The following TTC34 variants were observed in gnomAD, a reference collection of about 807,000 sequenced individuals.
The protein encoded by TTC34 is tetratricopeptide repeat protein 34.
Under a neutral mutation model 40.7 loss-of-function variants are expected in TTC34, and 44 were observed. The observed-to-expected ratio is 1.08, with a 90% CI of 0.85 to 1.39. TTC34 has a LOEUF of 1.39. TTC34 is among the 40% of genes most tolerant of loss of function. TTC34 has a pLI of 0.00. For missense variants in TTC34, 884 were observed against 838.0 expected (o/e 1.05, Z -0.68); for synonymous variants, 422 against 398.6 (o/e 1.06, Z -0.70).
rs771337806 is a variant in TTC34 at position 2,645,401 on chromosome 1, C to T, written c.2389G>A (p.Glu797Lys). The change falls in exon 7 of 9, where the codon GAG becomes AAG. Residue 797 changes from glutamate (E) to lysine (K), a missense_variant. Physicochemically the swap from Glu to Lys is moderately conservative, Grantham distance 56 (BLOSUM62 1). Coordinates refer to ENST00000401095, the Ensembl canonical transcript of TTC34. The surrounding 1 kb of genome is among the most constrained non-coding windows in gnomAD (Gnocchi z 4.7). Reference sequence around the variant, plus strand: ...AGGAGGCCCTGGGTGTCCTTGTCCTCGAGAGGGGCCCCAGTGTCTGGCAGC... The same window carrying T: ...AGGAGGCCCTGGGTGTCCTTGTCCTTGAGAGGGGCCCCAGTGTCTGGCAGC... 22 of 1,535,578 alleles carry T rather than the reference C, an allele frequency of 1.4e-5. 1 individual carries two copies. The highest frequency in any genetic ancestry group is 5.5e-5 in the African/African-American group (4 of 72,998).
intron 6 of TTC34, among the ~76,000 whole-genome samples, chr1:2,773,154 G>C (rs1376024884): frequency 6.9e-6 from 1 of 145,412 alleles, no homozygotes; most frequent in Non-Finnish European, 1.5e-5. Context: ...GCGAGCATCT[G>C]ACAGCCTGGA....
chr1:2,683,834 C>T (rs113153508), intron 6 of TTC34, among the ~76,000 whole-genome samples: 1 of 151,170 alleles, frequency 6.6e-6, no homozygotes, highest in African/African-American at 2.5e-5. Context: ...GCACCCACAC[C>T]CCCAGGTGAA....
At chr1:2,777,770 C>G (rs1003650470) in intron 6 of TTC34, among the ~76,000 whole-genome samples, 2 of 152,026 alleles carry the variant, frequency 1.3e-5, no homozygotes, top group Admixed American at 1.3e-4. Flanking sequence ...CTGCTCCTAC[C>G]GTCACTCCCA....
intron 2 of TTC34, among the ~76,000 whole-genome samples, chr1:2,791,328 G>A (rs930376153): frequency 6.6e-6 from 1 of 152,228 alleles, no homozygotes; most frequent in African/African-American, 2.4e-5. Context: ...TGCTGCAGGG[G>A]AGGGACGTTC....
chr1:2,792,559 G>A (rs1025814153), intron 2 of TTC34, among the ~76,000 whole-genome samples: 1 of 152,136 alleles, frequency 6.6e-6, no homozygotes, highest in Non-Finnish European at 1.5e-5. Flanking sequence ...AAATTGGCTG[G>A]GTTTAAACTC....
chr1:2,644,453 G>A, exon 8 of TTC34: 1 of 1,534,394 alleles, frequency 6.5e-7, no homozygotes, highest in Non-Finnish European at 8.7e-7. Flanking sequence ...CTTTTTCCAG[G>A]TGGGTGCCAG....
chr1:2,685,781 C>G (rs1217020855), intron 6 of TTC34, among the ~76,000 whole-genome samples: 2 of 147,652 alleles, frequency 1.4e-5, no homozygotes, highest in African/African-American at 2.5e-5. Flanking sequence ...ATCTGACAGC[C>G]TGGAACAGAA....
chr1:2,698,288 C>A (rs1380862026), intron 6 of TTC34, among the ~76,000 whole-genome samples: 2 of 71,412 alleles, frequency 2.8e-5, no homozygotes, highest in Admixed American at 1.4e-4. Flanking sequence ...ACCCTGCACC[C>A]CCGGTGCGCA....
chr1:2,783,838 C>A, intron 5 of TTC34, 63 bp from the exon 6 acceptor site: 1 of 1,356,178 alleles, frequency 7.4e-7, no homozygotes, highest in Non-Finnish European at 9.6e-7. Context: ...AGCATCTATC[C>A]TGCCCAGCCC....
intron 6 of TTC34, among the ~76,000 whole-genome samples, chr1:2,685,000 C>A (rs1194062946): frequency 1.4e-5 from 2 of 146,262 alleles, no homozygotes; most frequent in South Asian, 2.1e-4. Context: ...ACCCATACCC[C>A]CAGGCGAGCA....
chr1:2,654,301 G>C (rs28517386), intron 6 of TTC34, among the ~76,000 whole-genome samples: 2 of 94,984 alleles, frequency 2.1e-5, no homozygotes. Context: ...CCCCAGGTGA[G>C]CATCTGACAG....
intron 6 of TTC34, among the ~76,000 whole-genome samples, chr1:2,750,694 T>G (rs1479988299): frequency 3.2e-5 from 1 of 30,988 alleles, no homozygotes; most frequent in Admixed American, 4.1e-4. Flanking sequence ...CACCCCCAAG[T>G]GAGCATCCGA....
intron 6 of TTC34, among the ~76,000 whole-genome samples, chr1:2,768,633 T>C (rs1287192744): frequency 6.6e-6 from 1 of 151,764 alleles, no homozygotes; most frequent in Non-Finnish European, 1.5e-5. Context: ...CAGGTGAGCA[T>C]CCGACAGCCT....
chr1:2,684,785 C>G (rs1377463214), intron 6 of TTC34, among the ~76,000 whole-genome samples: 8 of 113,138 alleles, frequency 7.1e-5, no homozygotes, highest in Admixed American at 1.7e-4. Flanking sequence ...CGGCCTGGAA[C>G]AGCACCCACA....
rs1456184753 is a variant in TTC34, at chr1:2,683,593, A to T, written c.2227-38030T>A. On this transcript the variant is annotated intron_variant, in intron 6 of 8. Transcript: ENST00000401095. ...CGACAGCCTGGAACAGCACCCACAC[A>T]CTCAGGCGAGCATCTGACATCCTTC... 1.9e-4 allele frequency among the ~76,000 whole-genome samples: 4 copies of T among 21,082 alleles called. 1 individual carries two copies. Among genetic ancestry groups the T allele is most frequent in the African/African-American group, 4.0e-4 (2 of 4,996 alleles). The allele number at this position is 21,082 out of a possible 152,430, so 13.8% of individuals were successfully genotyped here. A position where few individuals can be genotyped will look rare whatever the true frequency, so the allele number is the denominator to read the frequency against.
intron 6 of TTC34, among the ~76,000 whole-genome samples, chr1:2,768,580 C>G (rs917638487): frequency 2.0e-5 from 3 of 151,942 alleles, no homozygotes; most frequent in African/African-American, 7.3e-5. Flanking sequence ...GCACTCCACA[C>G]AGCCAGGTGA....
intron 2 of TTC34, among the ~76,000 whole-genome samples, chr1:2,790,749 C>T (rs1020284699): frequency 6.6e-6 from 1 of 152,220 alleles, no homozygotes; most frequent in African/African-American, 2.4e-5. Context: ...GAATCAGTGC[C>T]CCTCCACTCC....
intron 6 of TTC34, among the ~76,000 whole-genome samples, chr1:2,688,788 G>C (rs1640490962): frequency 9.7e-6 from 1 of 103,290 alleles, no homozygotes; most frequent in Non-Finnish European, 1.8e-5. Flanking sequence ...GCGAGCATCT[G>C]ACAGCATGTA....
chr1:2,652,761 C>T (rs1639193575), intron 6 of TTC34, among the ~76,000 whole-genome samples: 1 of 136,062 alleles, frequency 7.3e-6, no homozygotes, highest in East Asian at 2.1e-4. Context: ...GAACAGCACC[C>T]TGCACCCCCA....
Sources: gnomAD v4.1 joint callset for allele counts (sites outside exome capture counted in the v4.1 genomes callset) on GRCh38, gnomAD v4.1.1 for gene constraint, Gnocchi (gnomAD v3.1) non-coding constraint, MANE v1.5 for transcripts, NCBI Gene and HGNC (gene_info 2026-07-23, HGNC 2026-07-21) for gene names.